The following FBLN7 variants were observed in gnomAD, a reference collection of about 807,000 sequenced individuals.
The protein encoded by FBLN7 is fibulin 7, also known as fibulin-7.
A neutral mutation model predicts 44.0 loss-of-function variants in FBLN7; 31 were observed. The ratio of observed to expected loss-of-function variants is 0.70; its 90% CI spans 0.53 to 0.95. The LOEUF (loss-of-function observed/expected upper bound fraction) is 0.95. Ranked by LOEUF, FBLN7 falls within the 40% of genes least tolerant of loss-of-function variation. The pLI is 0.00. For missense variants in FBLN7, 573 were observed against 618.5 expected, an observed-to-expected ratio of 0.93 and a Z score of 0.78; for synonymous variants, 262 against 253.4, an observed-to-expected ratio of 1.03 and a Z score of -0.32.
chr2:112,197,234 AACACACACAC>A, the FBLN7 span, among the ~76,000 whole-genome samples: 683 of 89,352 alleles, frequency 7.6e-3, 4 homozygotes, highest in Admixed American at 9.8e-3. Flanking sequence ...CGTAAGAGAA[AACACACACAC>A]ACACACACAC....
chr2:112,197,262 CACACACACACACAG>C, the FBLN7 span, among the ~76,000 whole-genome samples: 36 of 129,000 alleles, frequency 2.8e-4, no homozygotes, highest in South Asian at 9.3e-3. Context: ...CACACACACA[CACACACACACACAG>C]AGAGAGAGAG....
chr2:112,233,998 T>C, the FBLN7 span: 15 of 599,530 alleles, frequency 2.5e-5, no homozygotes, highest in Non-Finnish European at 4.0e-5. Context: ...CACTAAAATT[T>C]TCTAACTGAT....
the FBLN7 span, among the ~76,000 whole-genome samples, chr2:112,241,128 G>A: frequency 6.6e-6 from 1 of 152,046 alleles, no homozygotes; most frequent in Non-Finnish European, 1.5e-5. Context: ...GGTACAGTGT[G>A]AGAAATGGGG....
chr2:112,151,830 A>C (rs1681175189), intron 1 of FBLN7: 1 of 152,168 alleles, frequency 6.6e-6, no homozygotes, highest in African/African-American at 2.4e-5. Context: ...TGGCTTGGGC[A>C]TTGGGGACCT....
At chr2:112,216,876 A>C in the FBLN7 span, among the ~76,000 whole-genome samples, 1 of 152,094 alleles carries the variant, frequency 6.6e-6, no homozygotes, top group African/African-American at 2.4e-5. Flanking sequence ...ATTTAATAGA[A>C]AACAAAGAAA....
At position 112,138,544 on chromosome 2, in the gene FBLN7, G is replaced by C; in HGVS notation, c.-112G>C. 6.2e-5 allele frequency: 77 copies of C among 1,248,522 alleles called. No individual in the cohort carries two copies. Among genetic ancestry groups the C allele is most frequent in the East Asian group, 3.3e-4 (7 of 21,472 alleles). The allele number at this position is 1,248,522 out of a possible 1,614,324, so 77.3% of individuals were successfully genotyped here. On this transcript the variant is annotated 5_prime_UTR_variant, in exon 1 of 8. Coordinates refer to ENST00000331203, the MANE Select transcript of FBLN7 (RefSeq NM_153214.3). The stretch of plus-strand genomic sequence containing the variant: ...TCCCCCCCTGCCCCAGCCGCCCCCC[G>C]GCCGCGCGGCGCCCCGCACCCTGCA...
chr2:112,162,674 C>T (rs911154463), intron 2 of FBLN7, among the ~76,000 whole-genome samples: 17 of 152,154 alleles, frequency 1.1e-4, no homozygotes, highest in Non-Finnish European at 2.2e-4. Context: ...CCTTCAGCTC[C>T]CATTTGGGAT....
the FBLN7 span, among the ~76,000 whole-genome samples, chr2:112,201,020 TA>T: frequency 6.6e-6 from 1 of 152,194 alleles, no homozygotes; most frequent in Non-Finnish European, 1.5e-5. Context: ...GCAGGTACAC[TA>T]AATGCCCTTC....
downstream of FBLN7, among the ~76,000 whole-genome samples, chr2:112,191,064 A>G (rs540393298): frequency 6.2e-4 from 94 of 152,272 alleles, 1 homozygote; most frequent in African/African-American, 2.2e-3. Context: ...TGCAACCTCA[A>G]ATTCCTGGGC....
the FBLN7 span, chr2:112,238,198 T>G: frequency 5.1e-5 from 55 of 1,077,740 alleles, no homozygotes; most frequent in Admixed American, 3.8e-4. Flanking sequence ...TAAATATTCA[T>G]GAAAACCATA....
intron 3 of FBLN7, among the ~76,000 whole-genome samples, chr2:112,172,152 A>AC (rs1682497967): frequency 6.6e-6 from 1 of 152,252 alleles, no homozygotes; most frequent in Admixed American, 6.5e-5. Context: ...AGTGATTAAC[A>AC]CAGCAAATTC....
chr2:112,236,400 C>G, the FBLN7 span, among the ~76,000 whole-genome samples: 1 of 152,178 alleles, frequency 6.6e-6, no homozygotes, highest in South Asian at 2.1e-4. Flanking sequence ...AGGAAGAACA[C>G]AGAGAACCCA....
At chr2:112,145,292 GTTTCTT>G (rs1451307736) in intron 1 of FBLN7, among the ~76,000 whole-genome samples, 6 of 152,028 alleles carry the variant, frequency 3.9e-5, no homozygotes, top group African/African-American at 1.4e-4. Context: ...TTGATTGTTT[GTTTCTT>G]TTTCTTTCTT....
chr2:112,169,692 G>A (rs1225493440), intron 3 of FBLN7, among the ~76,000 whole-genome samples: 2 of 152,126 alleles, frequency 1.3e-5, no homozygotes, highest in South Asian at 2.1e-4. Flanking sequence ...CCACAGACAC[G>A]ACCCTGGCCT....
the FBLN7 span, among the ~76,000 whole-genome samples, chr2:112,232,203 C>T: frequency 6.6e-6 from 1 of 151,118 alleles, no homozygotes; most frequent in South Asian, 2.1e-4. Flanking sequence ...GTAATCCCAG[C>T]TACTCAGGAG....
At chr2:112,165,338 T>G (rs1016301422) in intron 3 of FBLN7, among the ~76,000 whole-genome samples, 167 bp downstream of exon 3, 1 of 152,200 alleles carries the variant, frequency 6.6e-6, no homozygotes, top group Non-Finnish European at 1.5e-5. Flanking sequence ...CCATGCCAGG[T>G]TGGCGCTGGT....
At chr2:112,208,057 A>G in the FBLN7 span, among the ~76,000 whole-genome samples, 1 of 152,242 alleles carries the variant, frequency 6.6e-6, no homozygotes, top group South Asian at 2.1e-4. Context: ...GACAACATGT[A>G]AACAAATGGG....
the FBLN7 span, chr2:112,234,109 C>T: frequency 1.4e-6 from 2 of 1,460,688 alleles, no homozygotes; most frequent in African/African-American, 1.4e-5. Flanking sequence ...TTTGCTTACA[C>T]ATTTTTATAC....
At chr2:112,229,224 GA>G in the FBLN7 span, among the ~76,000 whole-genome samples, 1 of 152,072 alleles carries the variant, frequency 6.6e-6, no homozygotes, top group African/African-American at 2.4e-5. Flanking sequence ...TAATGCTTGG[GA>G]GATTGGTTAT....
Sources: gnomAD v4.1 joint callset for allele counts (sites outside exome capture counted in the v4.1 genomes callset) on GRCh38, gnomAD v4.1.1 for gene constraint, MANE v1.5 for transcripts, NCBI Gene and HGNC (gene_info 2026-07-23, HGNC 2026-07-21) for gene names.